KIFC1: variants seen among roughly 807,000 people sequenced by gnomAD.
KIFC1 encodes kinesin-like protein KIFC1.
In KIFC1, 37 loss-of-function variants were observed where a neutral mutation model predicts 66.6. That is an observed-to-expected ratio of 0.56 (90% confidence interval 0.43 to 0.73). The LOEUF (loss-of-function observed/expected upper bound fraction) is 0.73. Among genes scored for constraint, KIFC1 ranks in the 30% least tolerant of loss-of-function variants. KIFC1 has a pLI of 0.00. For missense variants in KIFC1, 721 were observed against 859.8 expected, an observed-to-expected ratio of 0.84 and a Z score of 2.02; for synonymous variants, 325 against 343.5, an observed-to-expected ratio of 0.95 and a Z score of 0.60.
chr6:33,391,757 C>A, upstream of KIFC1: 1 of 630,938 alleles, frequency 1.6e-6, no homozygotes, highest in Middle Eastern at 4.0e-4. Context: ...GATTGGCCCT[C>A]GGCTGTGGCG....
At chr6:33,407,046 G>GT (rs1554300068) in intron 10 of KIFC1, 171 bp downstream of exon 10, 3 of 1,413,740 alleles carry the variant, frequency 2.1e-6, no homozygotes, top group Non-Finnish European at 2.8e-6. Context: ...TTTGAGTTAA[G>GT]TTTTTTAAAA....
At chr6:33,391,819 C>T (rs887841973), upstream of KIFC1, 4 of 791,222 alleles carry the variant, frequency 5.1e-6, no homozygotes, top group African/African-American at 5.1e-5. Context: ...GGGTGGTGGC[C>T]GTTGGAATTC....
In KIFC1 at chr6:33,409,631, AC is replaced by A. The variant is rs1390849518; in HGVS notation, c.1978-10del. 2 of 1,611,386 alleles carry A rather than the reference AC, an allele frequency of 1.2e-6. No homozygotes were observed. Among genetic ancestry groups the A allele is most frequent in the Non-Finnish European group, 1.7e-6 (2 of 1,179,266 alleles). On this transcript the variant is annotated splice_polypyrimidine_tract_variant and intron_variant, in intron 10 of 10. Transcript: ENST00000428849. Reference sequence around the variant, plus strand: ...ACGCTGCAAACTTTTATCCTGTCTAACCCCCTGCCCCCAGGTGAACCAGTGT... The same window carrying A: ...ACGCTGCAAACTTTTATCCTGTCTAACCCCTGCCCCCAGGTGAACCAGTGT...
Position 33,406,094 on chromosome 6 carries a change from GA to G in KIFC1, c.1537-99del. ...TCTTATTTTGTTTCTTGACAGGCTA[GA>G]AAGCTTCAAGAGGGTGGGGGTGGGC... On this transcript the variant is annotated intron_variant, in intron 7 of 10. Transcript: ENST00000428849. This position sits in a 1 kb window ranked among gnomAD's most constrained non-coding sequence, Gnocchi z 4.5. 9.1e-7 allele frequency: 1 copy of G among 1,097,540 alleles called. No homozygotes were observed. The highest frequency in any genetic ancestry group is 1.6e-5 in the South Asian group (1 of 64,372). 68.0% of individuals were successfully genotyped at this position (1,097,540 alleles called of 1,614,324 possible).
At position 33,400,339 on chromosome 6, in the gene KIFC1, A is replaced by G; in HGVS notation, c.250+1952A>G. 2 of 1,587,364 alleles carry G rather than the reference A, an allele frequency of 1.3e-6. No homozygotes were observed. Among genetic ancestry groups the G allele is most frequent in the South Asian group, 2.2e-5 (2 of 90,740 alleles). ...GATCGGGGCAGAGGCAGAAGGCACC[A>G]CCTCAATCTGGGCCTGTCTGTTCTC... On this transcript the variant is annotated intron_variant, in intron 3 of 10. Coordinates refer to ENST00000428849, the MANE Select transcript of KIFC1 (RefSeq NM_002263.4). The surrounding 1 kb of genome is among the most constrained non-coding windows in gnomAD (Gnocchi z 4.3).
chr6:33,409,198 G>A (rs992099117), intron 10 of KIFC1, among the ~76,000 whole-genome samples: 1 of 152,276 alleles, frequency 6.6e-6, no homozygotes, highest in African/African-American at 2.4e-5. Context: ...GCCTCCTTCA[G>A]ATTGGTGCCA....
In KIFC1 at chr6:33,401,945, T is replaced by A. The variant is rs566848914; in HGVS notation, c.251-1369T>A. 6.6e-6 allele frequency among the ~76,000 whole-genome samples: 1 copy of A among 152,158 alleles called. No homozygotes were observed. Among genetic ancestry groups the A allele is most frequent in the Non-Finnish European group, 1.5e-5 (1 of 68,034 alleles). ...TGGTCTCAATCTCCTGACCCCTTGATCTGCCCACCTCGGCCTCCCAAAGTG... is the reference window on the plus strand; with the variant it reads ...TGGTCTCAATCTCCTGACCCCTTGAACTGCCCACCTCGGCCTCCCAAAGTG... On this transcript the variant is annotated intron_variant, in intron 3 of 10. Transcript: ENST00000428849. The surrounding 1 kb of genome is among the most constrained non-coding windows in gnomAD (Gnocchi z 4.5).
rs200711422 is a variant in KIFC1 at position 33,403,528 on chromosome 6, G to T, written c.348G>T (p.Lys116Asn). The change falls in exon 5 of 11, where the codon AAG becomes AAT. Residue 116 changes from lysine (K) to asparagine (N), a missense_variant. Lys to Asn is a moderately conservative substitution (Grantham distance 94). Coordinates refer to ENST00000428849, the MANE Select transcript of KIFC1 (RefSeq NM_002263.4). The surrounding 1 kb of genome is among the most constrained non-coding windows in gnomAD (Gnocchi z 4.6). ...QKPVPAVPVQ[K>N]SGTSGVPPMA... ...CAGTTCCTGCTGTTCCTGTCCAGAA[G>T]TCTGGCAGTAAGTGACAAACATAAC... 6.2e-7 allele frequency: 1 copy of T among 1,614,192 alleles called. No individual in the cohort carries two copies. The highest frequency in any genetic ancestry group is 8.5e-7 in the Non-Finnish European group (1 of 1,180,002).
Position 33,406,803 on chromosome 6 carries a change from C to G in KIFC1, c.1905C>G (p.Leu635=). Residue 635 remains leucine (L), a synonymous_variant, in exon 10 of 11, where the codon CTC becomes CTG. Transcript: ENST00000428849. This position sits in a 1 kb window ranked among gnomAD's most constrained non-coding sequence, Gnocchi z 4.5. ...QNSLGGSAKM[L]MFVNISPLEE... is the part of the protein sequence containing the mutation. ...TGGGCACATTGTCTTTTCATAGGCT[C>G]ATGTTTGTGAACATTTCTCCACTGG... is the stretch of plus-strand genomic sequence containing the variant. The G allele has an allele frequency of 6.2e-7, 1 of 1,614,116 alleles. No individual in the cohort carries two copies. Among genetic ancestry groups the G allele is most frequent in the Non-Finnish European group, 8.5e-7 (1 of 1,180,026 alleles).
rs1165247564 is a variant in KIFC1 at position 33,401,301 on chromosome 6, A to AT, written c.251-2007dup. 2.0e-5 allele frequency among the ~76,000 whole-genome samples: 3 copies of AT among 149,588 alleles called. No individual in the cohort carries two copies. The highest frequency in any genetic ancestry group is 4.0e-4 in the East Asian group (2 of 4,968). On this transcript the variant is annotated intron_variant, in intron 3 of 10. Coordinates refer to ENST00000428849, the MANE Select transcript of KIFC1 (RefSeq NM_002263.4). This position sits in a 1 kb window ranked among gnomAD's most constrained non-coding sequence, Gnocchi z 4.5. ...AGGTGTGTGCCATCATACCCAGCTA[A>AT]TTTTTTGTATTTTTAGTAGAGATGG...
At chr6:33,397,296 CTTTT>C (rs9280438) in intron 1 of KIFC1, among the ~76,000 whole-genome samples, 3 of 102,620 alleles carry the variant, frequency 2.9e-5, no homozygotes. Flanking sequence ...TTCTAATGCC[CTTTT>C]TTTTTTTTTT....
Position 33,405,063 on chromosome 6 carries a change from G to A in KIFC1, c.968G>A (p.Gly323Glu), listed in dbSNP as rs145666693. ...VFCRVRPVLP[G>E]EPTPPPGLLL... is the part of the protein sequence containing the mutation. ...TGCCGGGTCCGCCCTGTCCTGCCGG[G>A]GGAGCCCACTCCACCCCCTGGCCTC... The change falls in exon 7 of 11, where the codon GGG (glycine) becomes GAG (glutamate). Residue 323 changes from glycine (G) to glutamate (E), a missense_variant. Coordinates refer to ENST00000428849, the MANE Select transcript of KIFC1 (RefSeq NM_002263.4). The surrounding 1 kb of genome is among the most constrained non-coding windows in gnomAD (Gnocchi z 5.4). The A allele has an allele frequency of 6.2e-6, 10 of 1,613,958 alleles. 1 individual carries two copies. The highest frequency in any genetic ancestry group is 8.5e-6 in the Non-Finnish European group (10 of 1,179,990).
Position 33,403,816 on chromosome 6 carries a change from C to A in KIFC1, c.443C>A (p.Ala148Glu). 1 of 1,614,230 alleles carries A rather than the reference C, an allele frequency of 6.2e-7. No homozygotes were observed. Among genetic ancestry groups the A allele is most frequent in the Non-Finnish European group, 8.5e-7 (1 of 1,180,042 alleles). ...AAGGGTCAGTTATGTGACCTAAATG[C>A]AGAACTAAAACGGTGCCGTGAGAGG... ...DLKGQLCDLN[A>E]ELKRCRERTQ... The change falls in exon 6 of 11, where the codon GCA (alanine) becomes GAA (glutamate). Residue 148 changes from alanine to glutamate, a missense_variant. By Grantham distance (107) the Ala-to-Glu change is moderately radical. Transcript: ENST00000428849. The surrounding 1 kb of genome is among the most constrained non-coding windows in gnomAD (Gnocchi z 4.6).
At chr6:33,396,436 C>CTTTTTTTTTTTTTTTTTTTTTTTTTTTT (rs199749552) in intron 1 of KIFC1, among the ~76,000 whole-genome samples, 1 of 116,258 alleles carries the variant, frequency 8.6e-6, no homozygotes, top group Non-Finnish European at 1.7e-5. Context: ...CTTTTCTTTT[C>CTTTTTTTTTTTTTTTTTTTTTTTTTTTT]TTTTTTTTTT....
rs1775367059 is a variant in KIFC1 at position 33,401,404 on chromosome 6, G to T, written c.251-1910G>T. Among the ~76,000 whole-genome samples, 1 of 152,032 alleles carries T rather than the reference G, an allele frequency of 6.6e-6. No homozygotes were observed. Among genetic ancestry groups the T allele is most frequent in the South Asian group, 2.1e-4 (1 of 4,832 alleles). ...CCGCCTCAGCCTCCCAAAGTGCTGGGATTACAGACATGAGTTACTGCGCCC... is the reference window on the plus strand; with the variant it reads ...CCGCCTCAGCCTCCCAAAGTGCTGGTATTACAGACATGAGTTACTGCGCCC... On this transcript the variant is annotated intron_variant, in intron 3 of 10. Transcript: ENST00000428849. The surrounding 1 kb of genome is among the most constrained non-coding windows in gnomAD (Gnocchi z 4.5).
In KIFC1 at chr6:33,404,042, G is replaced by T; in HGVS notation, c.669G>T (p.Gln223His). The change falls in exon 6 of 11, where the codon CAG becomes CAT. Residue 223 changes from glutamine (Q) to histidine (H), a missense_variant. By Grantham distance (24) the Gln-to-His change is conservative. Transcript: ENST00000428849. This position sits in a 1 kb window ranked among gnomAD's most constrained non-coding sequence, Gnocchi z 4.0. ...AGCTGGAAGAGCGGCTGAGCACGCAGGAGGGCTTGGTGCAAGAGCTTCAGA... is the reference window on the plus strand; with the variant it reads ...AGCTGGAAGAGCGGCTGAGCACGCATGAGGGCTTGGTGCAAGAGCTTCAGA... The part of the protein sequence containing the change: ...VLELEERLST[Q>H]EGLVQELQKK... The T allele has an allele frequency of 6.2e-7, 1 of 1,614,154 alleles. No homozygotes were observed. Among genetic ancestry groups the T allele is most frequent in the Non-Finnish European group, 8.5e-7 (1 of 1,180,024 alleles).
intron 1 of KIFC1, among the ~76,000 whole-genome samples, chr6:33,392,320 C>A (rs1007076399): frequency 2.0e-5 from 3 of 152,186 alleles, no homozygotes; most frequent in Non-Finnish European, 4.4e-5. Flanking sequence ...TATTCCTACT[C>A]AGGGTGTGAT....
intron 1 of KIFC1, among the ~76,000 whole-genome samples, chr6:33,393,648 C>T (rs1347004264): frequency 6.6e-6 from 1 of 150,642 alleles, no homozygotes; most frequent in Non-Finnish European, 1.5e-5. Context: ...TGCCATGTTG[C>T]CCAGGCTGGT....
At chr6:33,398,662 C>T (rs944113218) in intron 3 of KIFC1, among the ~76,000 whole-genome samples, 21 of 152,048 alleles carry the variant, frequency 1.4e-4, no homozygotes, top group East Asian at 5.8e-4. Context: ...GATGGGGTTT[C>T]GCCATGTTGG....
Sources: gnomAD v4.1 joint callset for allele counts (sites outside exome capture counted in the v4.1 genomes callset) on GRCh38, gnomAD v4.1.1 for gene constraint, Gnocchi (gnomAD v3.1) non-coding constraint, MANE v1.5 for transcripts, NCBI Gene and HGNC (gene_info 2026-07-23, HGNC 2026-07-21) for gene names.